ZNF891: variants seen among roughly 807,000 people sequenced by gnomAD.
The protein encoded by ZNF891 is hCG1646157.
For synonymous variants in ZNF891, 199 were observed against 209.0 expected (o/e 0.95, Z 0.41); for missense variants, 589 against 632.7 (o/e 0.93, Z 0.74).
At position 133,108,485 on chromosome 12, in the gene ZNF891, A is replaced by G. The variant is rs914055102; in HGVS notation, c.*11799T>C. ...TCTGTGGGGATGCACCTCATGAACT[A>G]TATCAGAGGTCATCAAGCTACAGCC... is the stretch of plus-strand genomic sequence containing the variant. On this transcript the variant is annotated 3_prime_UTR_variant, in exon 2 of 2. Transcript: ENST00000537226. The G allele has an allele frequency of 2.0e-5, 3 of 152,198 alleles. No homozygotes were observed. Among genetic ancestry groups the G allele is most frequent in the Non-Finnish European group, 4.4e-5 (3 of 68,034 alleles). The allele number at this position is 152,198 out of a possible 1,614,324, so 9.4% of individuals were successfully genotyped here.
At chr12:133,126,023 T>A (rs1210220604) in intron 1 of ZNF891, 3 of 269,622 alleles carry the variant, frequency 1.1e-5, no homozygotes, top group Non-Finnish European at 1.5e-5. Context: ...GGATGATTGG[T>A]ACACTGTACT....
intron 1 of ZNF891, among the ~76,000 whole-genome samples, chr12:133,124,901 G>C (rs1245420306): frequency 6.6e-6 from 1 of 151,276 alleles, no homozygotes; most frequent in African/African-American, 2.4e-5. Context: ...AGAAAGCAGA[G>C]GGGTGTAGGA....
intron 1 of ZNF891, among the ~76,000 whole-genome samples, chr12:133,126,847 T>C (rs971497484): frequency 1.3e-5 from 2 of 150,506 alleles, no homozygotes; most frequent in African/African-American, 4.9e-5. Flanking sequence ...GTAAAGCTGA[T>C]CTAAAAGAAA....
chr12:133,122,914 T>C (rs1015708937), intron 1 of ZNF891, among the ~76,000 whole-genome samples: 3 of 152,226 alleles, frequency 2.0e-5, no homozygotes, highest in South Asian at 4.1e-4. Context: ...CATTAGATAT[T>C]GTACTTTCCT....
At position 133,106,483 on chromosome 12, in the gene ZNF891, A is replaced by G. The variant is rs753361039; in HGVS notation, c.*13801T>C. 5 of 1,614,106 alleles carry G rather than the reference A, an allele frequency of 3.1e-6. No individual in the cohort carries two copies. Among genetic ancestry groups the G allele is most frequent in the South Asian group, 1.1e-5 (1 of 91,084 alleles). On this transcript the variant is annotated 3_prime_UTR_variant, in exon 2 of 2. Coordinates refer to ENST00000537226, the MANE Select transcript of ZNF891 (RefSeq NM_001277291.2). ...TCAGCCGGAGCTTTTCCCTCATTCT[A>G]CATCAGAGAACTCATACTGGAGAGA...
intron 1 of ZNF891, among the ~76,000 whole-genome samples, chr12:133,123,079 A>G (rs2137621628): frequency 6.6e-6 from 1 of 152,350 alleles, no homozygotes; most frequent in South Asian, 2.1e-4. Context: ...AAGACTAGGT[A>G]GTTAACCGTC....
At position 133,111,708 on chromosome 12, in the gene ZNF891, G is replaced by A. The variant is rs1249365535; in HGVS notation, c.*8576C>T. The A allele has an allele frequency of 2.6e-5, 4 of 152,072 alleles. No individual in the cohort carries two copies. Among genetic ancestry groups the A allele is most frequent in the African/African-American group, 9.7e-5 (4 of 41,406 alleles). The allele number at this position is 152,072 out of a possible 1,614,324, so 9.4% of individuals were successfully genotyped here. On this transcript the variant is annotated 3_prime_UTR_variant, in exon 2 of 2. Transcript: ENST00000537226. ...TTTGACATGCATTTCTTAAGTTAGA[G>A]GTGAATTTAAGTCATGACATGTATT...
intron 1 of ZNF891, among the ~76,000 whole-genome samples, chr12:133,126,343 G>A (rs1955814492): frequency 6.6e-6 from 1 of 151,874 alleles, no homozygotes; most frequent in Admixed American, 6.6e-5. Flanking sequence ...GCGTGGTGGT[G>A]GGTGCCTGTA....
At chr12:133,123,595 C>A (rs557639605) in intron 1 of ZNF891, among the ~76,000 whole-genome samples, 9 of 152,058 alleles carry the variant, frequency 5.9e-5, no homozygotes, top group Admixed American at 2.0e-4. Flanking sequence ...GAAGCCCCAG[C>A]TACTCAGGAG....
Position 133,120,775 on chromosome 12 carries a change from C to T in ZNF891, c.1144G>A (p.Gly382Arg), listed in dbSNP as rs1486840697. ...GEKPYECNQC[G>R]KAFSQKTSLK... ...GATGTTTTTTGACTGAAAGCTTTTC[C>T]ACATTGATTACATTCATAGGGTTTC... is the stretch of plus-strand genomic sequence containing the variant. The change falls in exon 2 of 2, where the codon GGA (glycine) becomes AGA (arginine). Residue 382 changes from glycine (G) to arginine (R), a missense_variant. Gly to Arg is a moderately radical substitution (Grantham distance 125). Transcript: ENST00000537226. 6.4e-7 allele frequency: 1 copy of T among 1,567,804 alleles called. No homozygotes were observed. The highest frequency in any genetic ancestry group is 1.9e-5 in the Admixed American group (1 of 53,184).
At chr12:133,129,731 G>A (rs948616314) in intron 1 of ZNF891, among the ~76,000 whole-genome samples, 3 of 152,140 alleles carry the variant, frequency 2.0e-5, no homozygotes, top group African/African-American at 7.2e-5. Flanking sequence ...AATCTTGTGA[G>A]CATAGGTGAA....
rs1032236216 is a variant in ZNF891 at position 133,112,034 on chromosome 12, GTA to G, written c.*8248_*8249del. 2.0e-4 allele frequency: 30 copies of G among 152,022 alleles called. No homozygotes were observed. Among genetic ancestry groups the G allele is most frequent in the African/African-American group, 6.5e-4 (27 of 41,386 alleles). The allele number at this position is 152,022 out of a possible 1,614,324, so 9.4% of individuals were successfully genotyped here. Reference sequence around the variant, plus strand: ...AGTTCCTCATAACTCTTCAAATAAAGTATAAACTCATGTCATAGCTAGCAAGG... The same window carrying G: ...AGTTCCTCATAACTCTTCAAATAAAGTAAACTCATGTCATAGCTAGCAAGG... On this transcript the variant is annotated 3_prime_UTR_variant, in exon 2 of 2. Coordinates refer to ENST00000537226, the MANE Select transcript of ZNF891 (RefSeq NM_001277291.2).
At position 133,120,233 on chromosome 12, in the gene ZNF891, CT is replaced by C; in HGVS notation, c.*50del. ...AGAGAACAAAGACTGAGACAAGGAGCTTGGAATCCACCTTAAGACAATGAAA... is the reference window on the plus strand; with the variant it reads ...AGAGAACAAAGACTGAGACAAGGAGCTGGAATCCACCTTAAGACAATGAAA... On this transcript the variant is annotated 3_prime_UTR_variant, in exon 2 of 2. Coordinates refer to ENST00000537226, the MANE Select transcript of ZNF891 (RefSeq NM_001277291.2). 1 of 1,391,330 alleles carries C rather than the reference CT, an allele frequency of 7.2e-7. No homozygotes were observed. Among genetic ancestry groups the C allele is most frequent in the Admixed American group, 2.6e-5 (1 of 38,988 alleles). 86.2% of individuals were successfully genotyped at this position (1,391,330 alleles called of 1,614,324 possible). A position where few individuals can be genotyped will look rare whatever the true frequency, so the allele number is the denominator to read the frequency against.
At position 133,121,606 on chromosome 12, in the gene ZNF891, T is replaced by C. The variant is rs1955761835; in HGVS notation, c.313A>G (p.Lys105Glu). 6.5e-7 allele frequency: 1 copy of C among 1,536,504 alleles called. No homozygotes were observed. Among genetic ancestry groups the C allele is most frequent in the Admixed American group, 2.0e-5 (1 of 51,000 alleles). ...LDQEEIRNMK[K>E]RIPQAICPDQ... Reference sequence around the variant, plus strand: ...GGACAGATGGCTTGGGGAATTCTCTTTTTCATATTCCTTATCTCTTCTTGA... The same window carrying C: ...GGACAGATGGCTTGGGGAATTCTCTCTTTCATATTCCTTATCTCTTCTTGA... The change falls in exon 2 of 2, where the codon AAG (lysine) becomes GAG (glutamate). Residue 105 changes from lysine to glutamate, a missense_variant. Physicochemically the swap from Lys to Glu is moderately conservative, Grantham distance 56 (BLOSUM62 1). Coordinates refer to ENST00000537226, the MANE Select transcript of ZNF891 (RefSeq NM_001277291.2).
At position 133,105,857 on chromosome 12, in the gene ZNF891, T is replaced by C. The variant is rs766630578; in HGVS notation, c.*14427A>G. ...AGAGAAACCATATGCATGTAAGGAA[T>C]GTGGCAAAACCTTTAGCCAGATTTC... On this transcript the variant is annotated 3_prime_UTR_variant, in exon 2 of 2. Coordinates refer to ENST00000537226, the MANE Select transcript of ZNF891 (RefSeq NM_001277291.2). 6.2e-7 allele frequency: 1 copy of C among 1,614,200 alleles called. No individual in the cohort carries two copies. The highest frequency in any genetic ancestry group is 1.1e-5 in the South Asian group (1 of 91,084).
In ZNF891 at chr12:133,105,955, C is replaced by G. The variant is rs1955575678; in HGVS notation, c.*14329G>C. On this transcript the variant is annotated 3_prime_UTR_variant, in exon 2 of 2. Transcript: ENST00000537226. ...AGTGTAAGGACTGTAATAAAACATT[C>G]AGTTACCTTTCATTTCTTATTGAAC... 1.2e-6 allele frequency: 2 copies of G among 1,613,950 alleles called. No individual in the cohort carries two copies. The highest frequency in any genetic ancestry group is 1.7e-5 in the Admixed American group (1 of 60,006).
rs897393811 is a variant in ZNF891 at position 133,112,832 on chromosome 12, G to C, written c.*7452C>G. 1.3e-5 allele frequency: 2 copies of C among 152,076 alleles called. No homozygotes were observed. The highest frequency in any genetic ancestry group is 2.9e-5 in the Non-Finnish European group (2 of 68,030). 9.4% of individuals were successfully genotyped at this position (152,076 alleles called of 1,614,324 possible). On this transcript the variant is annotated 3_prime_UTR_variant, in exon 2 of 2. Coordinates refer to ENST00000537226, the MANE Select transcript of ZNF891 (RefSeq NM_001277291.2). ...CCCAGCACTTTGGGAGGCCGAGACG[G>C]GCAGATCACGAGGTCAGGAGATCGA...
At position 133,121,758 on chromosome 12, in the gene ZNF891, TG is replaced by T; in HGVS notation, c.160del (p.Gln54ArgfsTer5). On this transcript the variant is annotated frameshift_variant, in exon 2 of 2. Transcript: ENST00000537226. LOFTEE classifies it low-confidence loss of function (END_TRUNC). Reference sequence around the variant, plus strand: ...AGAATCCAGCATCATCCACTCCTCCTGAGTGAACTCCACAGCTACATCTTTG... The same window carrying T: ...AGAATCCAGCATCATCCACTCCTCCTAGTGAACTCCACAGCTACATCTTTG... ...TFKDVAVEFTQEEWMMLDSAQ... is the reference protein window; with the variant it reads ...TFKDVAVEFTXEEWMMLDSAQ... The T allele has an allele frequency of 6.5e-7, 1 of 1,536,926 alleles. No individual in the cohort carries two copies. The highest frequency in any genetic ancestry group is 1.2e-5 in the South Asian group (1 of 84,064).
chr12:133,128,521 C>T (rs769135861), intron 1 of ZNF891, among the ~76,000 whole-genome samples: 7 of 152,172 alleles, frequency 4.6e-5, no homozygotes, highest in Non-Finnish European at 8.8e-5. Context: ...GTGATCCCAG[C>T]TATTCCAGAG....
Sources: gnomAD v4.1 joint callset for allele counts (sites outside exome capture counted in the v4.1 genomes callset) on GRCh38, gnomAD v4.1.1 for gene constraint, MANE v1.5 for transcripts, NCBI Gene and HGNC (gene_info 2026-07-23, HGNC 2026-07-21) for gene names.